OPCML: variants seen among roughly 807,000 people sequenced by gnomAD.
OPCML encodes the protein opioid-binding protein/cell adhesion molecule.
In OPCML, 13 loss-of-function variants were observed where a neutral mutation model predicts 37.8. That is an observed-to-expected ratio of 0.34 (90% confidence interval 0.22 to 0.55). The LOEUF (loss-of-function observed/expected upper bound fraction) is 0.55, where lower values mean the gene tolerates loss of function less well. Among genes scored for constraint, OPCML ranks in the 20% least tolerant of loss-of-function variants. OPCML has a pLI of 0.91. For synonymous variants in OPCML, 176 were observed against 168.8 expected (o/e 1.04, Z -0.33); for missense variants, 341 against 435.6 (o/e 0.78, Z 1.93).
chr11:133,354,990 A>G (rs1944250291), intron 1 of OPCML, among the ~76,000 whole-genome samples: 1 of 152,226 alleles, frequency 6.6e-6, no homozygotes, highest in Non-Finnish European at 1.5e-5. Flanking sequence ...AGGATGGAAT[A>G]AAAAGAAAAT....
At chr11:132,644,996 T>G (rs539310005) in intron 3 of OPCML, among the ~76,000 whole-genome samples, 1 of 152,384 alleles carries the variant, frequency 6.6e-6, no homozygotes, top group South Asian at 2.1e-4. Context: ...CATTAATGTC[T>G]GCTTACTGGC....
At chr11:132,533,671 C>T (rs1253301334) in intron 3 of OPCML, among the ~76,000 whole-genome samples, 1 of 152,110 alleles carries the variant, frequency 6.6e-6, no homozygotes, top group Non-Finnish European at 1.5e-5. Context: ...CCCCAGAGCT[C>T]CATCACCCTC....
intron 1 of OPCML, among the ~76,000 whole-genome samples, chr11:133,513,894 G>T (rs1019787993): frequency 1.3e-5 from 2 of 152,158 alleles, no homozygotes; most frequent in African/African-American, 4.8e-5. Flanking sequence ...ATCTAAAATT[G>T]TTGTTGTCAG....
chr11:133,415,405 G>A (rs1316844728), intron 1 of OPCML, among the ~76,000 whole-genome samples: 2 of 146,838 alleles, frequency 1.4e-5, no homozygotes, highest in Non-Finnish European at 3.0e-5. Context: ...GTGAGACTTC[G>A]TCTAAAAAAA....
intron 1 of OPCML, among the ~76,000 whole-genome samples, chr11:133,519,017 C>T (rs1948348536): frequency 6.6e-6 from 1 of 152,110 alleles, no homozygotes; most frequent in African/African-American, 2.4e-5. Flanking sequence ...AGGTCCTCGG[C>T]CCTGCACAGG....
At chr11:133,395,573 G>T (rs1283597708) in intron 1 of OPCML, among the ~76,000 whole-genome samples, 1 of 151,834 alleles carries the variant, frequency 6.6e-6, no homozygotes, top group Non-Finnish European at 1.5e-5. Flanking sequence ...CTTGTATATG[G>T]CAAGAGATAG....
chr11:132,558,288 T>TTCTTCTCCCC (rs1565664034), intron 3 of OPCML, among the ~76,000 whole-genome samples: 1 of 121,532 alleles, frequency 8.2e-6, no homozygotes, highest in African/African-American at 3.5e-5. Flanking sequence ...CTTCTTCCTC[T>TTCTTCTCCCC]TCCTCTTCTC....
chr11:133,319,624 C>G (rs187673403), intron 1 of OPCML, among the ~76,000 whole-genome samples: 1 of 152,230 alleles, frequency 6.6e-6, no homozygotes, highest in African/African-American at 2.4e-5. Context: ...TGCTTTCTCT[C>G]CTCTCGGCCC....
chr11:132,676,756 A>C (rs990102625), intron 2 of OPCML, among the ~76,000 whole-genome samples: 1 of 150,982 alleles, frequency 6.6e-6, no homozygotes, highest in Non-Finnish European at 1.5e-5. Context: ...GAGCAGCTAT[A>C]ATAAGAAAAA....
intron 1 of OPCML, among the ~76,000 whole-genome samples, chr11:133,328,890 A>G (rs1265820509): frequency 6.6e-6 from 1 of 152,170 alleles, no homozygotes; most frequent in Non-Finnish European, 1.5e-5. Flanking sequence ...AGGAAGTCAA[A>G]TTGTCCCTGT....
At chr11:132,967,921 G>A (rs565736594) in intron 1 of OPCML, among the ~76,000 whole-genome samples, 1 of 152,090 alleles carries the variant, frequency 6.6e-6, no homozygotes, top group African/African-American at 2.4e-5. Context: ...AGCATGTTTA[G>A]GTTCACAACA....
intron 3 of OPCML, among the ~76,000 whole-genome samples, chr11:132,530,249 C>T (rs1264379375): frequency 2.0e-5 from 3 of 152,134 alleles, no homozygotes; most frequent in Non-Finnish European, 2.9e-5. Context: ...CACAGCACTA[C>T]AAAGCCTAAA....
At chr11:133,203,516 A>G (rs527373276) in intron 1 of OPCML, among the ~76,000 whole-genome samples, 159 of 152,312 alleles carry the variant, frequency 1.0e-3, no homozygotes, top group Middle Eastern at 6.8e-3. Context: ...CTTTTGACAC[A>G]GGACTTTTCT....
At chr11:132,863,548 G>A (rs1942397253) in intron 2 of OPCML, among the ~76,000 whole-genome samples, 1 of 152,118 alleles carries the variant, frequency 6.6e-6, no homozygotes, top group Non-Finnish European at 1.5e-5. Context: ...CCTGAGGCTG[G>A]CGGCAGAATC....
At chr11:133,162,557 C>T (rs988345142) in intron 1 of OPCML, among the ~76,000 whole-genome samples, 2 of 151,024 alleles carry the variant, frequency 1.3e-5, no homozygotes, top group East Asian at 2.0e-4. Context: ...CTGGGACTGC[C>T]GCTGCCGGCT....
chr11:132,481,059 T>C (rs1371523057), intron 4 of OPCML, among the ~76,000 whole-genome samples: 1 of 152,152 alleles, frequency 6.6e-6, no homozygotes, highest in Non-Finnish European at 1.5e-5. Context: ...AATGTAAATG[T>C]TACATTTAAA....
At chr11:132,474,859 T>C (rs2096149962) in intron 4 of OPCML, among the ~76,000 whole-genome samples, 1 of 152,216 alleles carries the variant, frequency 6.6e-6, no homozygotes, top group Non-Finnish European at 1.5e-5. Context: ...CGCCTAGTCA[T>C]ACCTGGCACC....
intron 4 of OPCML, among the ~76,000 whole-genome samples, chr11:132,459,570 G>A (rs2096094110): frequency 6.6e-6 from 1 of 150,506 alleles, no homozygotes; most frequent in Non-Finnish European, 1.5e-5. Context: ...GAAAGAGAGA[G>A]AGAGAGAGAG....
chr11:132,984,666 C>T (rs542189915), intron 1 of OPCML, among the ~76,000 whole-genome samples: 21 of 152,268 alleles, frequency 1.4e-4, no homozygotes, highest in African/African-American at 5.1e-4. Context: ...CTCACACCAG[C>T]ATCTTTCTTA....
Sources: allele counts gnomAD v4.1 joint callset (sites outside exome capture counted in the v4.1 genomes callset), GRCh38; gene constraint gnomAD v4.1.1; transcripts MANE v1.5; gene names NCBI Gene and HGNC (gene_info 2026-07-23, HGNC 2026-07-21).